ARHGAP6: variants seen among roughly 807,000 people sequenced by gnomAD.
The protein encoded by ARHGAP6 is rho GTPase-activating protein 6.
Under a neutral mutation model 55.7 loss-of-function variants are expected in ARHGAP6, and 16 were observed. The ratio of observed to expected loss-of-function variants is 0.29; its 90% confidence interval spans 0.19 to 0.44. ARHGAP6 has a LOEUF of 0.44. Among genes scored for constraint, ARHGAP6 ranks in the 20% least tolerant of loss-of-function variants. The pLI, the probability that ARHGAP6 is intolerant of heterozygous loss-of-function variation, is 1.00. For missense variants in ARHGAP6, 698 were observed against 808.9 expected (o/e 0.86, Z 1.66); for synonymous variants, 382 against 360.9 (o/e 1.06, Z -0.66).
intron 1 of ARHGAP6, among the ~76,000 whole-genome samples, chrX:11,362,678 A>G (rs1443014747): frequency 9.1e-6 from 1 of 109,942 alleles, no homozygotes; most frequent in Non-Finnish European, 1.9e-5. Context: ...AATAATAAAC[A>G]CTGTAATTCT....
chrX:11,502,024 T>C (rs189452092), intron 1 of ARHGAP6, among the ~76,000 whole-genome samples: 1 of 112,163 alleles, frequency 8.9e-6, no homozygotes, highest in East Asian at 2.8e-4. Context: ...TTTCCAGGTA[T>C]AGACACATGC....
intron 1 of ARHGAP6, among the ~76,000 whole-genome samples, chrX:11,315,412 C>G (rs1029024513): frequency 2.7e-5 from 3 of 112,048 alleles, no homozygotes; most frequent in African/African-American, 9.7e-5. Context: ...ATCTGACGGG[C>G]GGCGGAGCAC....
intron 6 of ARHGAP6, 70 bp downstream of exon 6, chrX:11,181,993 T>C: frequency 1.1e-6 from 1 of 922,250 alleles, no homozygotes; most frequent in Non-Finnish European, 1.5e-6. Flanking sequence ...TTGCATAAAC[T>C]TGAACTTTGC....
chrX:11,499,549 C>A (rs1200480803), intron 1 of ARHGAP6, among the ~76,000 whole-genome samples: 1 of 112,164 alleles, frequency 8.9e-6, no homozygotes, highest in Non-Finnish European at 1.9e-5. Flanking sequence ...GCCTCCAGGA[C>A]TTAAAGATCC....
chrX:11,469,683 A>G (rs1288593418), intron 1 of ARHGAP6, among the ~76,000 whole-genome samples: 2 of 111,842 alleles, frequency 1.8e-5, no homozygotes, highest in Non-Finnish European at 3.8e-5. Context: ...GGGAGGATGT[A>G]AAGTATTAGA....
At chrX:11,543,471 GC>G (rs1372515770) in intron 1 of ARHGAP6, among the ~76,000 whole-genome samples, 1 of 112,208 alleles carries the variant, frequency 8.9e-6, no homozygotes, top group Non-Finnish European at 1.9e-5. Context: ...CATGGATGCT[GC>G]TAAACATCTT....
intron 2 of ARHGAP6, among the ~76,000 whole-genome samples, chrX:11,235,247 T>G (rs2047183121): frequency 8.8e-6 from 1 of 113,356 alleles, no homozygotes; most frequent in Non-Finnish European, 1.9e-5. Context: ...ACATGTAAGC[T>G]GCCAAGGCTT....
chrX:11,486,825 C>T (rs1477793929), intron 1 of ARHGAP6, among the ~76,000 whole-genome samples: 5 of 111,866 alleles, frequency 4.5e-5, no homozygotes, highest in South Asian at 3.8e-4. Flanking sequence ...CCATGTGCCA[C>T]GTTGGCAGAA....
intron 4 of ARHGAP6, among the ~76,000 whole-genome samples, 177 bp from the exon 5 acceptor site, chrX:11,186,608 A>G (rs1441118629): frequency 8.9e-6 from 1 of 112,285 alleles, no homozygotes; most frequent in African/African-American, 3.2e-5. Context: ...GCCTTTTGAA[A>G]AAGTTAGAAA....
intron 1 of ARHGAP6, among the ~76,000 whole-genome samples, chrX:11,508,852 T>TAC (rs199575300): frequency 0.042 from 4,239 of 101,914 alleles, 95 homozygotes; most frequent in South Asian, 0.08. Context: ...CAACTCATAC[T>TAC]ACACACACAC....
intron 1 of ARHGAP6, among the ~76,000 whole-genome samples, chrX:11,616,867 C>A (rs2052171992): frequency 9.0e-6 from 1 of 111,698 alleles, no homozygotes; most frequent in Non-Finnish European, 1.9e-5. Flanking sequence ...AGGACAGCTT[C>A]CCACAACCAA....
At chrX:11,400,567 C>T (rs2049536887) in intron 1 of ARHGAP6, among the ~76,000 whole-genome samples, 1 of 105,371 alleles carries the variant, frequency 9.5e-6, no homozygotes, top group Non-Finnish European at 1.9e-5. Flanking sequence ...ATTTACAGTT[C>T]AAGGCAGCCA....
In ARHGAP6 at chrX:11,276,632, G is replaced by C. The variant is rs781529506; in HGVS notation, c.589-21925C>G. ...GTATGACACCAAATGCAGGTATGACGTGAAAACAAGCCATCTGCACTTACT... is the reference window on the plus strand; with the variant it reads ...GTATGACACCAAATGCAGGTATGACCTGAAAACAAGCCATCTGCACTTACT... On this transcript the variant is annotated intron_variant, in intron 1 of 12. Transcript: ENST00000337414. 4.5e-5 allele frequency among the ~76,000 whole-genome samples: 5 copies of C among 111,476 alleles called. No individual in the cohort carries two copies. The East Asian group carries it at 1.4e-3, about 31-fold the overall frequency.
chrX:11,290,349 C>A, intron 1 of ARHGAP6: 1 of 348,775 alleles, frequency 2.9e-6, no homozygotes, highest in East Asian at 7.9e-5. Flanking sequence ...TTCTAGGTAC[C>A]AAGGAGCTCC....
At chrX:11,318,132 T>C (rs1311757168) in intron 1 of ARHGAP6, among the ~76,000 whole-genome samples, 1 of 112,568 alleles carries the variant, frequency 8.9e-6, no homozygotes, top group Non-Finnish European at 1.9e-5. Context: ...GCAGACTTCC[T>C]GTCATTTCCA....
chrX:11,219,129 T>C (rs1465654153), intron 2 of ARHGAP6, among the ~76,000 whole-genome samples: 1 of 92,958 alleles, frequency 1.1e-5, no homozygotes. Flanking sequence ...TGAGTGAGAA[T>C]ATGCGGTGTT....
At chrX:11,598,961 G>T (rs888061538) in intron 1 of ARHGAP6, among the ~76,000 whole-genome samples, 1 of 111,230 alleles carries the variant, frequency 9.0e-6, no homozygotes, top group African/African-American at 3.3e-5. Context: ...GGGAGGCTTA[G>T]ATGGGAGAAT....
chrX:11,235,528 C>T (rs1434385461), intron 2 of ARHGAP6, among the ~76,000 whole-genome samples: 2 of 111,788 alleles, frequency 1.8e-5, no homozygotes, highest in Non-Finnish European at 3.8e-5. Flanking sequence ...CAAATTTCTG[C>T]AGCCAGCTTG....
chrX:11,228,296 C>A (rs2047083095), intron 2 of ARHGAP6, among the ~76,000 whole-genome samples: 1 of 111,862 alleles, frequency 8.9e-6, no homozygotes, highest in Admixed American at 9.5e-5. Context: ...GACTGTTGGA[C>A]CTGCTATAAT....
Sources: allele counts gnomAD v4.1 joint callset (sites outside exome capture counted in the v4.1 genomes callset), GRCh38; gene constraint gnomAD v4.1.1; transcripts MANE v1.5; gene names NCBI Gene and HGNC (gene_info 2026-07-23, HGNC 2026-07-21).